TOGARAM1: variants seen among roughly 807,000 people sequenced by gnomAD.
The protein encoded by TOGARAM1 is TOG array regulator of axonemal microtubules protein 1.
Under a neutral mutation model 166.6 loss-of-function variants are expected in TOGARAM1, and 100 were observed. The ratio of observed to expected loss-of-function variants is 0.60; its 90% confidence interval spans 0.51 to 0.71. The LOEUF (loss-of-function observed/expected upper bound fraction) is 0.71, where lower values mean the gene tolerates loss of function less well. TOGARAM1 is among the 30% of genes least tolerant of loss of function. The pLI is 0.00. For missense variants in TOGARAM1, 2,029 were observed against 2,102.7 expected (o/e 0.96, Z 0.69); for synonymous variants, 758 against 763.8 (o/e 0.99, Z 0.13).
chr14:45,037,958 T>C (rs2138934333), intron 11 of TOGARAM1, among the ~76,000 whole-genome samples: 1 of 151,514 alleles, frequency 6.6e-6, no homozygotes, highest in African/African-American at 2.4e-5. Context: ...TCAGAGGTTA[T>C]AGTGAGCCTA....
At chr14:45,071,174 C>G (rs745938457) in intron 18 of TOGARAM1, among the ~76,000 whole-genome samples, 2 of 152,140 alleles carry the variant, frequency 1.3e-5, no homozygotes, top group Non-Finnish European at 2.9e-5. Flanking sequence ...CCCACCTTGG[C>G]CTCCCAAAGT....
At position 45,008,926 on chromosome 14, in the gene TOGARAM1, T is replaced by A. The variant is rs1341636364; in HGVS notation, c.2918T>A (p.Leu973His). Residue 973 changes from leucine (L) to histidine (H), a missense_variant, in exon 6 of 20, where the codon CTT becomes CAT. Coordinates refer to ENST00000361462, the MANE Select transcript of TOGARAM1 (RefSeq NM_001308120.2). ...DLDQEEMHSS[L>H]RSLRNSAAKK... ...ATTTTTTCTTAGATGCATAGCTCTC[T>A]TAGGTCCCTTCGTAATAGTGCAGCT... The A allele has an allele frequency of 6.2e-7, 1 of 1,613,544 alleles. No homozygotes were observed. The highest frequency in any genetic ancestry group is 8.5e-7 in the Non-Finnish European group (1 of 1,179,684).
intron 1 of TOGARAM1, among the ~76,000 whole-genome samples, chr14:44,977,568 C>T (rs9323106): frequency 0.15 from 23,091 of 152,078 alleles, 3,476 homozygotes; most frequent in African/African-American, 0.39. Flanking sequence ...AAATTCATAG[C>T]TCTTCCTATG....
intron 7 of TOGARAM1, among the ~76,000 whole-genome samples, chr14:45,013,774 C>A (rs978746583): frequency 1.3e-5 from 2 of 152,096 alleles, no homozygotes; most frequent in African/African-American, 4.8e-5. Flanking sequence ...TCAGGCTGAT[C>A]ATCCTAATCT....
intron 3 of TOGARAM1, 46 bp downstream of exon 3, chr14:44,999,543 A>T (rs1479930766): frequency 6.7e-7 from 1 of 1,490,936 alleles, no homozygotes; most frequent in Non-Finnish European, 9.1e-7. Context: ...TATAAATATT[A>T]TGTGGGGATT....
chr14:45,037,662 A>G (rs2138933464), intron 11 of TOGARAM1, among the ~76,000 whole-genome samples: 1 of 152,302 alleles, frequency 6.6e-6, no homozygotes, highest in Non-Finnish European at 1.5e-5. Context: ...CTGCAAGGAG[A>G]AATAAATCTC....
chr14:45,062,124 T>C (rs114068685), intron 16 of TOGARAM1, among the ~76,000 whole-genome samples: 389 of 152,278 alleles, frequency 2.6e-3, no homozygotes, highest in African/African-American at 8.9e-3. Flanking sequence ...TAGTATTCTA[T>C]AAAATGTCAG....
intron 1 of TOGARAM1, among the ~76,000 whole-genome samples, chr14:44,966,586 A>G (rs1885552885): frequency 6.6e-6 from 1 of 152,124 alleles, no homozygotes; most frequent in Non-Finnish European, 1.5e-5. Context: ...ATGTGTAATA[A>G]TTACATATTA....
intron 3 of TOGARAM1, among the ~76,000 whole-genome samples, chr14:45,003,769 G>GTA (rs879913706): frequency 0.087 from 13,181 of 151,492 alleles, 1,027 homozygotes; most frequent in African/African-American, 0.19. Context: ...TCTCTGACAT[G>GTA]TGTGTATATG....
intron 7 of TOGARAM1, among the ~76,000 whole-genome samples, chr14:45,021,177 A>G (rs1322435076): frequency 6.6e-6 from 1 of 152,148 alleles, no homozygotes; most frequent in Non-Finnish European, 1.5e-5. Context: ...TGGGTGAAGT[A>G]AGTCCAACAG....
intron 13 of TOGARAM1, 101 bp downstream of exon 13, chr14:45,044,971 C>A (rs1881916792): frequency 1.3e-6 from 1 of 764,348 alleles, no homozygotes; most frequent in Non-Finnish European, 2.0e-6. Context: ...GTATATCAGT[C>A]AAAAAACATT....
At chr14:45,016,386 T>C (rs1367781145) in intron 7 of TOGARAM1, among the ~76,000 whole-genome samples, 1 of 152,052 alleles carries the variant, frequency 6.6e-6, no homozygotes, top group Non-Finnish European at 1.5e-5. Context: ...GACTCTGTCT[T>C]AAAAGAAAAA....
intron 11 of TOGARAM1, among the ~76,000 whole-genome samples, chr14:45,035,790 C>G (rs190341396): frequency 1.3e-5 from 2 of 151,950 alleles, no homozygotes; most frequent in African/African-American, 2.4e-5. Context: ...ATCTAGAATT[C>G]TATATCCAAT....
Position 45,032,797 on chromosome 14 carries a change from C to T in TOGARAM1, c.3812+421C>T, listed in dbSNP as rs78783376. Among the ~76,000 whole-genome samples, 282 of 152,316 alleles carry T rather than the reference C, an allele frequency of 1.9e-3. 2 individuals are homozygous for T. Among genetic ancestry groups the T allele is most frequent in the African/African-American group, 6.4e-3 (265 of 41,566 alleles). On this transcript the variant is annotated intron_variant, in intron 11 of 19. Transcript: ENST00000361462. ...AAAGACAGTGGCAATGTGCATCCCA[C>T]GTGTTTCAGCGGGAGCATCCACTTA...
chr14:45,054,635 G>T, intron 16 of TOGARAM1, 86 bp downstream of exon 16: 2 of 907,364 alleles, frequency 2.2e-6, no homozygotes, highest in East Asian at 2.6e-5. Context: ...CTACCCCAGG[G>T]GTATTTGCCA....
intron 11 of TOGARAM1, among the ~76,000 whole-genome samples, chr14:45,041,594 C>T (rs1038394900): frequency 6.6e-6 from 1 of 152,200 alleles, no homozygotes; most frequent in African/African-American, 2.4e-5. Flanking sequence ...AGACTACAGA[C>T]TGATTCTTAA....
intron 14 of TOGARAM1, among the ~76,000 whole-genome samples, chr14:45,047,606 G>A (rs2138962006): frequency 6.6e-6 from 1 of 152,166 alleles, no homozygotes; most frequent in Admixed American, 6.5e-5. Flanking sequence ...AATTTTCAAT[G>A]TAGTCAGATG....
In TOGARAM1 at chr14:45,053,032, C is replaced by CTT. The variant is rs1177460413; in HGVS notation, c.4440+489_4440+490dup. ...AGCTCCTTGAGGGTAAGTGCAATGT[C>CTT]TTTTTTTTTTTTTTTTTTTTCTTTT... On this transcript the variant is annotated intron_variant, in intron 15 of 19. Transcript: ENST00000361462. 4.8e-4 allele frequency among the ~76,000 whole-genome samples: 62 copies of CTT among 128,652 alleles called. 1 individual carries two copies. The highest frequency in any genetic ancestry group is 6.0e-4 in the Non-Finnish European group (36 of 60,284). The allele number at this position is 128,652 out of a possible 152,430, so 84.4% of individuals were successfully genotyped here.
rs770600665 is a variant in TOGARAM1 at position 44,963,018 on chromosome 14, G to A, written c.597G>A (p.Ala199=). ...AGAATCCAGCCCTGCGGAAAGATGCGCTGCAGATCCTTCATATATGTCTGA... is the reference window on the plus strand; with the variant it reads ...AGAATCCAGCCCTGCGGAAAGATGCACTGCAGATCCTTCATATATGTCTGA... ...REENPALRKD[A]LQILHICLKR... The change falls in exon 1 of 20, where the codon GCG becomes GCA. Residue 199 remains alanine (A), a synonymous_variant. Transcript: ENST00000361462. 1.2e-6 allele frequency: 2 copies of A among 1,614,070 alleles called. No individual in the cohort carries two copies. Among genetic ancestry groups the A allele is most frequent in the Non-Finnish European group, 1.7e-6 (2 of 1,180,044 alleles).
Sources: gnomAD v4.1 joint callset for allele counts (sites outside exome capture counted in the v4.1 genomes callset) on GRCh38, gnomAD v4.1.1 for gene constraint, MANE v1.5 for transcripts, NCBI Gene and HGNC (gene_info 2026-07-23, HGNC 2026-07-21) for gene names.